Variants in SND1 observed in about 807,000 individuals in gnomAD.
SND1 encodes the protein staphylococcal nuclease domain-containing protein 1.
Under a neutral mutation model 121.7 loss-of-function variants are expected in SND1, and 38 were observed. The observed-to-expected ratio is 0.31, with a 90% CI of 0.24 to 0.41. The LOEUF (loss-of-function observed/expected upper bound fraction) is 0.41. Ranked by LOEUF, SND1 falls within the 10% of genes least tolerant of loss-of-function variation. The pLI is 1.00. For missense variants in SND1, 868 were observed against 1,184.6 expected (o/e 0.73, Z 3.92); for synonymous variants, 401 against 447.4 (o/e 0.90, Z 1.31).
At chr7:127,759,438 T>A (rs1483697867) in intron 10 of SND1, among the ~76,000 whole-genome samples, 1 of 152,194 alleles carries the variant, frequency 6.6e-6, no homozygotes, top group Non-Finnish European at 1.5e-5. Flanking sequence ...AGTTCCTGTG[T>A]CCTTTTGATG....
At position 127,747,354 on chromosome 7, in the gene SND1, C is replaced by G. The variant is rs562490728; in HGVS notation, c.1152+25954C>G. Reference sequence around the variant, plus strand: ...TGGGATTGCCTATGCAATTCCTGCCCTTGTCTCTCTGAGGAATCATGGACT... The same window carrying G: ...TGGGATTGCCTATGCAATTCCTGCCGTTGTCTCTCTGAGGAATCATGGACT... On this transcript the variant is annotated intron_variant, in intron 10 of 23. Transcript: ENST00000354725. Among the ~76,000 whole-genome samples, 12 of 151,948 alleles carry G rather than the reference C, an allele frequency of 7.9e-5. No individual in the cohort carries two copies. The East Asian group carries it at 2.3e-3, about 29-fold the overall frequency.
chr7:128,041,051 A>C (rs1416000699), intron 16 of SND1, among the ~76,000 whole-genome samples: 2 of 152,132 alleles, frequency 1.3e-5, no homozygotes, highest in Non-Finnish European at 2.9e-5. Context: ...CCATGATGGA[A>C]ATGTGGGCTT....
chr7:127,948,903 G>A (rs1282740755), intron 15 of SND1, among the ~76,000 whole-genome samples: 2 of 152,162 alleles, frequency 1.3e-5, no homozygotes, highest in Non-Finnish European at 2.9e-5. Flanking sequence ...TCTTTGTCAG[G>A]TGCTCATTTT....
intron 1 of SND1, among the ~76,000 whole-genome samples, chr7:127,671,510 G>A (rs944539585): frequency 2.6e-5 from 4 of 152,106 alleles, no homozygotes; most frequent in African/African-American, 9.7e-5. Context: ...TTGTTTGTTT[G>A]TTTGGAGATG....
intron 12 of SND1, among the ~76,000 whole-genome samples, chr7:127,844,902 T>C (rs1252089774): frequency 2.0e-5 from 3 of 152,208 alleles, no homozygotes; most frequent in Non-Finnish European, 4.4e-5. Flanking sequence ...TTCCAAGGTC[T>C]GTTGGCAGCC....
At chr7:128,016,720 A>G (rs542599538) in intron 16 of SND1, among the ~76,000 whole-genome samples, 1 of 152,312 alleles carries the variant, frequency 6.6e-6, no homozygotes, top group Admixed American at 6.5e-5. Flanking sequence ...CACAGCAGTC[A>G]ATTTCTTGTT....
At chr7:127,807,165 G>A (rs1428429264) in intron 10 of SND1, among the ~76,000 whole-genome samples, 1 of 152,094 alleles carries the variant, frequency 6.6e-6, no homozygotes, top group Admixed American at 6.6e-5. Flanking sequence ...AATATTTGAA[G>A]GGTCCTAATA....
At chr7:127,881,649 G>T (rs76707109) in intron 12 of SND1, among the ~76,000 whole-genome samples, 3 of 152,150 alleles carry the variant, frequency 2.0e-5, no homozygotes, top group Admixed American at 2.0e-4. Context: ...AAAACACACA[G>T]TCTGGTTCTC....
intron 15 of SND1, among the ~76,000 whole-genome samples, chr7:127,954,951 A>C (rs1190944603): frequency 6.6e-6 from 1 of 152,148 alleles, no homozygotes; most frequent in South Asian, 2.1e-4. Context: ...GCTGAGACTC[A>C]TGTCTTGTTT....
chr7:127,944,747 T>C (rs1383210212), intron 15 of SND1, among the ~76,000 whole-genome samples: 1 of 152,168 alleles, frequency 6.6e-6, no homozygotes, highest in African/African-American at 2.4e-5. Flanking sequence ...TGCTCCAGAA[T>C]AGCCAGGGAG....
intron 16 of SND1, among the ~76,000 whole-genome samples, chr7:128,003,189 A>C (rs1802878797): frequency 6.6e-6 from 1 of 152,198 alleles, no homozygotes; most frequent in African/African-American, 2.4e-5. Flanking sequence ...CAGCCTGGGC[A>C]ACAGAGCCAA....
At position 128,037,479 on chromosome 7, in the gene SND1, A is replaced by G. The variant is rs1179943504; in HGVS notation, c.1780-37023A>G. On this transcript the variant is annotated intron_variant, in intron 16 of 23. Transcript: ENST00000354725. ...AGACATCATTTCAAATTCCCGTCAC[A>G]GGGTTCTGGGAATGAGGATGTACCC... is the stretch of plus-strand genomic sequence containing the variant. 1.2e-4 allele frequency among the ~76,000 whole-genome samples: 19 copies of G among 152,324 alleles called. No individual in the cohort carries two copies. In the South Asian group the frequency reaches 3.3e-3, roughly 27 times the overall value.
chr7:128,074,470 C>G (rs1202550537), intron 16 of SND1, 32 bp from the exon 17 acceptor site: 1 of 1,582,502 alleles, frequency 6.3e-7, no homozygotes, highest in East Asian at 2.3e-5. Context: ...AGGCCTGGCC[C>G]CCACAGGCTT....
At chr7:127,860,954 G>A (rs1337526877) in intron 12 of SND1, among the ~76,000 whole-genome samples, 4 of 152,172 alleles carry the variant, frequency 2.6e-5, no homozygotes, top group African/African-American at 9.7e-5. Flanking sequence ...ATAGCCTTAC[G>A]TATATGAAAT....
At chr7:128,033,571 T>C (rs759657911) in intron 16 of SND1, among the ~76,000 whole-genome samples, 1 of 152,188 alleles carries the variant, frequency 6.6e-6, no homozygotes, top group Non-Finnish European at 1.5e-5. Context: ...AACCTGAACC[T>C]CTTTAAATAC....
intron 22 of SND1, among the ~76,000 whole-genome samples, chr7:128,090,528 G>A (rs900524158): frequency 6.6e-6 from 1 of 152,312 alleles, no homozygotes; most frequent in East Asian, 1.9e-4. Context: ...CAGAGCTGCC[G>A]TCTCCTGGCA....
chr7:127,816,141 A>G (rs1471744629), intron 11 of SND1, among the ~76,000 whole-genome samples: 1 of 152,180 alleles, frequency 6.6e-6, no homozygotes, highest in African/African-American at 2.4e-5. Flanking sequence ...TGTCCACTTA[A>G]GAAGGCTGCC....
At chr7:128,030,136 G>T (rs777776963) in intron 16 of SND1, 8 of 1,614,076 alleles carry the variant, frequency 5.0e-6, no homozygotes, top group Non-Finnish European at 6.8e-6. Context: ...GAGGGCACCC[G>T]GTTGAAGGCG....
chr7:127,655,994 T>G (rs973626740), intron 1 of SND1, among the ~76,000 whole-genome samples: 1 of 152,168 alleles, frequency 6.6e-6, no homozygotes, highest in Non-Finnish European at 1.5e-5. Flanking sequence ...CAAATCCCAG[T>G]TCCCATTTCA....
Sources: allele counts gnomAD v4.1 joint callset (sites outside exome capture counted in the v4.1 genomes callset), GRCh38; gene constraint gnomAD v4.1.1; transcripts MANE v1.5; gene names NCBI Gene and HGNC (gene_info 2026-07-23, HGNC 2026-07-21).